Variants in MARCHF10 observed in about 807,000 individuals in gnomAD.
The protein encoded by MARCHF10 is probable E3 ubiquitin-protein ligase MARCHF10.
In MARCHF10, 64 loss-of-function variants were observed where a neutral mutation model predicts 76.2. The observed-to-expected ratio is 0.84, with a 90% CI of 0.69 to 1.03. MARCHF10 has a LOEUF of 1.03. MARCHF10 is among the 50% of genes least tolerant of loss of function. The pLI, the probability that MARCHF10 is intolerant of heterozygous loss-of-function variation, is 0.00. For missense variants in MARCHF10, 875 were observed against 958.0 expected, an observed-to-expected ratio of 0.91 and a Z score of 1.14; for synonymous variants, 340 against 357.5, an observed-to-expected ratio of 0.95 and a Z score of 0.55.
At chr17:62,705,626 C>T (rs1344049568) in intron 9 of MARCHF10, 45 bp from the exon 10 acceptor site, 4 of 1,609,722 alleles carry the variant, frequency 2.5e-6, no homozygotes, top group Middle Eastern at 1.6e-4. Flanking sequence ...TTTTCCAATA[C>T]GATTGTGAAC....
At chr17:62,747,184 T>C (rs8080187) in intron 4 of MARCHF10, among the ~76,000 whole-genome samples, 78,673 of 152,060 alleles carry the variant, frequency 0.52, 21,423 homozygotes, top group East Asian at 0.71. Flanking sequence ...AGGACAAATA[T>C]TAGTATGATT....
At chr17:62,787,548 A>G (rs1017136133) in intron 3 of MARCHF10, among the ~76,000 whole-genome samples, 2 of 152,236 alleles carry the variant, frequency 1.3e-5, no homozygotes, top group African/African-American at 4.8e-5. Context: ...TTGAGCTCTT[A>G]CATAGGGTAA....
Position 62,701,419 on chromosome 17 carries a change from C to T in MARCHF10, c.*284G>A. ...AGCAGTGGGACCCCAGGCCACTGGACCTGGCAGGGCTTCTGGGCTAAGGGG... is the reference window on the plus strand; with the variant it reads ...AGCAGTGGGACCCCAGGCCACTGGATCTGGCAGGGCTTCTGGGCTAAGGGG... On this transcript the variant is annotated 3_prime_UTR_variant, in exon 11 of 11. Coordinates refer to ENST00000311269, the MANE Select transcript of MARCHF10 (RefSeq NM_152598.4). 5.2e-6 allele frequency: 3 copies of T among 573,758 alleles called. No individual in the cohort carries two copies. Among genetic ancestry groups the T allele is most frequent in the African/African-American group, 1.9e-5 (1 of 53,456 alleles). The allele number at this position is 573,758 out of a possible 1,614,324, so 35.5% of individuals were successfully genotyped here.
Position 62,788,634 on chromosome 17 carries a change from G to A in MARCHF10, c.91-35C>T, listed in dbSNP as rs775076783. 8.1e-6 allele frequency: 13 copies of A among 1,612,138 alleles called. No individual in the cohort carries two copies. In the Admixed American group the frequency reaches 2.0e-4, roughly 25 times the overall value. On this transcript the variant is annotated intron_variant, in intron 2 of 10. Coordinates refer to ENST00000311269, the MANE Select transcript of MARCHF10 (RefSeq NM_152598.4). ...AACAACAATAAAATGTTTGTCTTAG[G>A]ACCATGGCAAGCTTGGGTAACTTTA...
chr17:62,762,685 T>A (rs1390845043), intron 3 of MARCHF10, among the ~76,000 whole-genome samples: 1 of 152,188 alleles, frequency 6.6e-6, no homozygotes, highest in African/African-American at 2.4e-5. Context: ...TAGCTGGGAC[T>A]ACAGGCACAC....
At chr17:62,733,755 A>G (rs767823650) in intron 6 of MARCHF10, among the ~76,000 whole-genome samples, 12 of 152,264 alleles carry the variant, frequency 7.9e-5, no homozygotes, top group Non-Finnish European at 8.8e-5. Flanking sequence ...AAAAGAATAA[A>G]CCAAAGCCAA....
At chr17:62,801,616 C>G (rs2093074938) in intron 2 of MARCHF10, 30 bp downstream of exon 2, 1 of 1,566,622 alleles carries the variant, frequency 6.4e-7, no homozygotes, top group Admixed American at 1.7e-5. Context: ...CAAGAGAAGG[C>G]AGAAGACCAT....
intron 4 of MARCHF10, among the ~76,000 whole-genome samples, chr17:62,751,859 A>C (rs375286551): frequency 1.3e-5 from 2 of 152,098 alleles, no homozygotes; most frequent in African/African-American, 4.8e-5. Context: ...CATCTCTACT[A>C]AAAATACAAA....
rs148344147 is a variant in MARCHF10 at position 62,755,287 on chromosome 17, G to A, written c.382+4548C>T. ...GACAGCAGAGGGCAGGAGAGGGGAC[G>A]CTTGCTTCCCACATGTCTGGCCCTA... On this transcript the variant is annotated intron_variant, in intron 4 of 10. Transcript: ENST00000311269. Among the ~76,000 whole-genome samples, 918 of 151,710 alleles carry A rather than the reference G, an allele frequency of 6.1e-3. 4 individuals are homozygous for A. The highest frequency in any genetic ancestry group is 0.014 in the Middle Eastern group (4 of 294).
In MARCHF10 at chr17:62,737,132, G is replaced by A. The variant is rs1457494752; in HGVS notation, c.736C>T (p.Gln246Ter). 2.5e-6 allele frequency: 4 copies of A among 1,613,966 alleles called. No homozygotes were observed. The East Asian group carries it at 6.7e-5, about 27-fold the overall frequency. ...SQAFQGKNSPQVLSEFSGPPL... is the reference protein window; with the variant it reads ...SQAFQGKNSP The stretch of plus-strand genomic sequence containing the variant: ...GGCCCCGAGAACTCACTCAATACTT[G>A]AGGACTATTTTTTCCTTGGAAGGCC... Residue 246 changes from glutamine (Q) to a stop codon, truncating the protein, a stop_gained, in exon 6 of 11, where the codon CAA becomes TAA. Coordinates refer to ENST00000311269, the MANE Select transcript of MARCHF10 (RefSeq NM_152598.4). LOFTEE classifies it high-confidence loss of function.
intron 2 of MARCHF10, among the ~76,000 whole-genome samples, chr17:62,799,272 G>T (rs534942974): frequency 3.3e-5 from 5 of 152,144 alleles, no homozygotes; most frequent in African/African-American, 9.6e-5. Flanking sequence ...CTACCACCCC[G>T]GGCCAAGTCA....
intron 8 of MARCHF10, among the ~76,000 whole-genome samples, chr17:62,722,256 C>T (rs1292901147): frequency 8.0e-6 from 1 of 125,754 alleles, no homozygotes; most frequent in Non-Finnish European, 1.6e-5. Flanking sequence ...CCCGCCTGGG[C>T]GACAGAGTGA....
chr17:62,735,960 G>A lies in MARCHF10; in HGVS notation c.1908C>T (p.Asp636=), dbSNP rs1338306554. 1.2e-6 allele frequency: 2 copies of A among 1,609,602 alleles called. No individual in the cohort carries two copies. The highest frequency in any genetic ancestry group is 2.7e-5 in the African/African-American group (2 of 74,536). Residue 636 remains aspartate (D), a synonymous_variant, in exon 6 of 11, where the codon GAC becomes GAT. Coordinates refer to ENST00000311269, the MANE Select transcript of MARCHF10 (RefSeq NM_152598.4). ...DEKETSKIKA[D]PEKLKKLQES... ...CTTGCAATTTCTTGAGTTTCTCAGG[G>A]TCTGCCTTTATCTTACTGGTTTCCT...
chr17:62,800,849 T>C (rs2093059539), intron 2 of MARCHF10, among the ~76,000 whole-genome samples: 1 of 152,210 alleles, frequency 6.6e-6, no homozygotes, highest in Admixed American at 6.5e-5. Context: ...CTGTGTGTTT[T>C]GGTTTTGCAC....
intron 3 of MARCHF10, among the ~76,000 whole-genome samples, chr17:62,781,284 G>C (rs1222193974): frequency 6.6e-6 from 1 of 152,154 alleles, no homozygotes; most frequent in African/African-American, 2.4e-5. Context: ...AGCATCACTT[G>C]CAAGTATATT....
chr17:62,746,685 G>C (rs548526110), intron 4 of MARCHF10, among the ~76,000 whole-genome samples: 1 of 152,148 alleles, frequency 6.6e-6, no homozygotes, highest in Non-Finnish European at 1.5e-5. Context: ...CCAGGGAAGG[G>C]GCAGGCGTGG....
intron 4 of MARCHF10, among the ~76,000 whole-genome samples, chr17:62,752,287 T>C (rs1172462389): frequency 1.3e-5 from 2 of 152,138 alleles, no homozygotes; most frequent in African/African-American, 4.8e-5. Context: ...TTCTTGCCAT[T>C]TCAGCCACCT....
chr17:62,739,163 G>A (rs1367025950), intron 5 of MARCHF10, among the ~76,000 whole-genome samples: 1 of 152,102 alleles, frequency 6.6e-6, no homozygotes. Context: ...GCCGGGTGCT[G>A]TGGTGTGTAC....
chr17:62,736,516 A>G lies in MARCHF10; in HGVS notation c.1352T>C (p.Leu451Pro), dbSNP rs569241504. ...TGGTCTGCCAGAAATAAAGTAGTCAAGAGAATTTTGAGAACTGTTTAAATA... is the reference window on the plus strand; with the variant it reads ...TGGTCTGCCAGAAATAAAGTAGTCAGGAGAATTTTGAGAACTGTTTAAATA... ...KDYLNSSQNSLDYFISGRPIS... is the reference protein window; with the variant it reads ...KDYLNSSQNSPDYFISGRPIS... Residue 451 changes from leucine (L) to proline (P), a missense_variant, in exon 6 of 11, where the codon CTT becomes CCT. Physicochemically the swap from Leu to Pro is moderately conservative, Grantham distance 98. Transcript: ENST00000311269. The G allele has an allele frequency of 3.7e-6, 6 of 1,614,086 alleles. No individual in the cohort carries two copies. Among genetic ancestry groups the G allele is most frequent in the Non-Finnish European group, 5.1e-6 (6 of 1,180,050 alleles).
Sources: allele counts gnomAD v4.1 joint callset (sites outside exome capture counted in the v4.1 genomes callset), GRCh38; gene constraint gnomAD v4.1.1; transcripts MANE v1.5; gene names NCBI Gene and HGNC (gene_info 2026-07-23, HGNC 2026-07-21).